The following PID1 variants were observed in gnomAD, a reference collection of about 807,000 sequenced individuals.
The protein encoded by PID1 is phosphotyrosine interaction domain containing 1, also known as PTB-containing, cubilin and LRP1-interacting protein.
In PID1, 10 loss-of-function variants were observed where a neutral mutation model predicts 19.1. That is an observed-to-expected ratio of 0.52 (90% CI 0.32 to 0.89). The LOEUF (loss-of-function observed/expected upper bound fraction) is 0.89, where lower values mean the gene tolerates loss of function less well. Among genes scored for constraint, PID1 ranks in the 40% least tolerant of loss-of-function variants. PID1 has a pLI of 0.03. For synonymous variants in PID1, 130 were observed against 116.0 expected, an observed-to-expected ratio of 1.12 and a Z score of -0.78; for missense variants, 248 against 285.3, an observed-to-expected ratio of 0.87 and a Z score of 0.94.
At chr2:229,186,814 G>A (rs2106226843) in intron 1 of PID1, among the ~76,000 whole-genome samples, 1 of 152,278 alleles carries the variant, frequency 6.6e-6, no homozygotes, top group East Asian at 1.9e-4. Flanking sequence ...TCAGAAAATG[G>A]GACTTCCTTT....
intron 1 of PID1, among the ~76,000 whole-genome samples, chr2:229,174,556 A>G (rs1690775966): frequency 1.3e-5 from 2 of 152,010 alleles, no homozygotes; most frequent in Non-Finnish European, 2.9e-5. Flanking sequence ...TTTTTACATT[A>G]TCACCCCCCA....
At chr2:229,091,921 C>T (rs937563594) in intron 2 of PID1, among the ~76,000 whole-genome samples, 3 of 152,170 alleles carry the variant, frequency 2.0e-5, no homozygotes, top group Non-Finnish European at 4.4e-5. Context: ...TGCAGACTTG[C>T]TCTGTCCTTC....
At chr2:229,240,908 C>T (rs1689850859) in intron 1 of PID1, among the ~76,000 whole-genome samples, 1 of 152,116 alleles carries the variant, frequency 6.6e-6, no homozygotes, top group Non-Finnish European at 1.5e-5. Context: ...ATTTCTTCTA[C>T]ATTGTTCAAC....
intron 2 of PID1, among the ~76,000 whole-genome samples, chr2:229,110,153 G>C (rs1695268079): frequency 6.6e-6 from 1 of 152,168 alleles, no homozygotes; most frequent in African/African-American, 2.4e-5. Flanking sequence ...GTGTTAACAA[G>C]ACCTCTAGGT....
intron 1 of PID1, among the ~76,000 whole-genome samples, chr2:229,224,005 T>C (rs995897611): frequency 6.6e-6 from 1 of 152,172 alleles, no homozygotes; most frequent in Non-Finnish European, 1.5e-5. Context: ...CATTATTTAG[T>C]TCCCATTTAT....
chr2:229,189,091 T>C (rs373043771), intron 1 of PID1, among the ~76,000 whole-genome samples: 15 of 152,216 alleles, frequency 9.9e-5, no homozygotes, highest in African/African-American at 3.4e-4. Context: ...TCTCTTCGTG[T>C]CTATTAACCA....
chr2:229,146,010 T>C (rs907148256), intron 2 of PID1, among the ~76,000 whole-genome samples: 1 of 152,238 alleles, frequency 6.6e-6, no homozygotes, highest in Non-Finnish European at 1.5e-5. Flanking sequence ...ATAATTTTCT[T>C]AGGCTTAAGA....
intron 2 of PID1, among the ~76,000 whole-genome samples, chr2:229,054,090 G>C (rs1694047544): frequency 7.4e-6 from 1 of 135,830 alleles, no homozygotes; most frequent in Non-Finnish European, 1.5e-5. Context: ...AGGCAGGGTG[G>C]GATATTAAAA....
chr2:229,109,463 G>A (rs959830025), intron 2 of PID1, among the ~76,000 whole-genome samples: 2 of 152,110 alleles, frequency 1.3e-5, no homozygotes, highest in African/African-American at 4.8e-5. Context: ...ATCCCACATG[G>A]GCCAGTCCAC....
intron 1 of PID1, among the ~76,000 whole-genome samples, chr2:229,169,301 G>T (rs1260804511): frequency 6.6e-6 from 1 of 152,058 alleles, no homozygotes; most frequent in African/African-American, 2.4e-5. Context: ...CTATATATCA[G>T]TCTAGTTGGA....
intron 2 of PID1, among the ~76,000 whole-genome samples, chr2:229,145,950 C>G (rs1207993823): frequency 6.6e-6 from 1 of 152,046 alleles, no homozygotes; most frequent in African/African-American, 2.4e-5. Flanking sequence ...CTTTACAGAG[C>G]AATTTTCTTT....
intron 1 of PID1, among the ~76,000 whole-genome samples, chr2:229,200,992 G>C (rs1379994080): frequency 6.6e-6 from 1 of 152,054 alleles, no homozygotes; most frequent in East Asian, 1.9e-4. Flanking sequence ...GATATGCTTC[G>C]ATACCATGAA....
At chr2:229,266,955 C>T (rs766066009) in intron 1 of PID1, among the ~76,000 whole-genome samples, 40 of 152,138 alleles carry the variant, frequency 2.6e-4, no homozygotes, top group African/African-American at 8.7e-4. Flanking sequence ...CTCCAGTTGA[C>T]GTTTTAGAGG....
intron 2 of PID1, among the ~76,000 whole-genome samples, chr2:229,145,928 G>A (rs1574666044): frequency 6.6e-6 from 1 of 152,100 alleles, no homozygotes; most frequent in East Asian, 1.9e-4. Flanking sequence ...CAACATATGA[G>A]TAAGATGCTA....
At chr2:229,027,936 T>G (rs1177427176) in intron 2 of PID1, among the ~76,000 whole-genome samples, 1 of 151,890 alleles carries the variant, frequency 6.6e-6, no homozygotes, top group Non-Finnish European at 1.5e-5. Context: ...GTCCAAGGAG[T>G]GCCTGGATGT....
intron 1 of PID1, among the ~76,000 whole-genome samples, chr2:229,180,378 A>T (rs988698041): frequency 6.6e-6 from 1 of 152,200 alleles, no homozygotes; most frequent in Non-Finnish European, 1.5e-5. Context: ...CTTAATAAGT[A>T]TGTGCTAACA....
At position 229,082,364 on chromosome 2, in the gene PID1, C is replaced by T. The variant is rs148452501; in HGVS notation, c.178-56256G>A. Among the ~76,000 whole-genome samples the T allele has an allele frequency of 2.7e-3, 407 of 152,344 alleles. 1 individual carries two copies. The highest frequency in any genetic ancestry group is 9.5e-3 in the African/African-American group (394 of 41,588). Reference sequence around the variant, plus strand: ...GGCAGAATTCTAATTCTAAGGTGGACTCACTGACCTTTACCCCATGGTGTT... The same window carrying T: ...GGCAGAATTCTAATTCTAAGGTGGATTCACTGACCTTTACCCCATGGTGTT... On this transcript the variant is annotated intron_variant, in intron 2 of 2. Transcript: ENST00000392055.
chr2:229,238,670 C>T (rs1282948826), intron 1 of PID1, among the ~76,000 whole-genome samples: 5 of 152,090 alleles, frequency 3.3e-5, no homozygotes, highest in African/African-American at 7.2e-5. Context: ...TTTCACTCCA[C>T]CTCTTGCATT....
intron 1 of PID1, among the ~76,000 whole-genome samples, chr2:229,197,453 C>G (rs185404442): frequency 4.5e-4 from 68 of 152,056 alleles, no homozygotes; most frequent in Non-Finnish European, 6.3e-4. Flanking sequence ...AGAGAAGATA[C>G]ATTATACATA....
Sources: gnomAD v4.1 joint callset for allele counts (sites outside exome capture counted in the v4.1 genomes callset) on GRCh38, gnomAD v4.1.1 for gene constraint, MANE v1.5 for transcripts, NCBI Gene and HGNC (gene_info 2026-07-23, HGNC 2026-07-21) for gene names.